The following ABCC6 variants were observed in gnomAD, a reference collection of about 807,000 sequenced individuals.
ABCC6 encodes the protein ATP binding cassette subfamily C member 6, also known as ATP-binding cassette sub-family C member 6.
Under a neutral mutation model 169.5 loss-of-function variants are expected in ABCC6, and 126 were observed. The observed-to-expected ratio is 0.74, with a 90% CI of 0.64 to 0.86. The LOEUF (loss-of-function observed/expected upper bound fraction) is 0.86. Among genes scored for constraint, ABCC6 ranks in the 40% least tolerant of loss-of-function variants. The pLI is 0.00. For synonymous variants in ABCC6, 752 were observed against 814.7 expected (o/e 0.92, Z 1.31); for missense variants, 1,733 against 1,927.2 (o/e 0.90, Z 1.89).
intron 6 of ABCC6, among the ~76,000 whole-genome samples, chr16:16,210,172 T>C (rs1318766821): frequency 6.6e-6 from 1 of 152,194 alleles, no homozygotes; most frequent in Non-Finnish European, 1.5e-5. Flanking sequence ...AATCTCACTC[T>C]GTTGCTCAGG....
Position 16,192,893 on chromosome 16 carries a change from GATGGCAGT to G in ABCC6, c.1360_1367del (p.Thr454ArgfsTer143). ...GAGGGAGGAGGCTCAGGAAGACAGC[GATGGCAGT>G]GAGGGCGGAGGGCCCCAGGAGCTGG... On this transcript the variant is annotated frameshift_variant, in exon 11 of 31. Transcript: ENST00000205557. LOFTEE classifies it high-confidence loss of function. 6.2e-7 allele frequency: 1 copy of G among 1,614,156 alleles called. No homozygotes were observed. Among genetic ancestry groups the G allele is most frequent in the Non-Finnish European group, 8.5e-7 (1 of 1,180,020 alleles).
chr16:16,151,611 G>A (rs756808813), intron 29 of ABCC6, among the ~76,000 whole-genome samples: 1 of 152,196 alleles, frequency 6.6e-6, no homozygotes, highest in Admixed American at 6.5e-5. Context: ...GATCCACCGT[G>A]CCTGGCCTGT....
intron 23 of ABCC6, among the ~76,000 whole-genome samples, chr16:16,164,856 A>G (rs553116724): frequency 6.6e-6 from 1 of 152,342 alleles, no homozygotes; most frequent in African/African-American, 2.4e-5. Flanking sequence ...CACTTTGAGA[A>G]GCACTGAGTG....
intron 6 of ABCC6, among the ~76,000 whole-genome samples, chr16:16,211,476 C>T (rs1223118115): frequency 1.3e-5 from 2 of 152,190 alleles, no homozygotes; most frequent in Non-Finnish European, 2.9e-5. Flanking sequence ...CAGATCTCAT[C>T]TTATTTAAGC....
Position 16,216,006 on chromosome 16 carries a change from G to A in ABCC6, c.475-1557C>T, listed in dbSNP as rs182365605. Among the ~76,000 whole-genome samples the A allele has an allele frequency of 6.6e-5, 10 of 152,170 alleles. No homozygotes were observed. The South Asian group carries it at 8.3e-4, about 13-fold the overall frequency. On this transcript the variant is annotated intron_variant, in intron 4 of 30. Transcript: ENST00000205557. ...TTGATTTTGGCTCACTGCAACCTCC[G>A]TCTCCTGGATTCAAGTGATTCTCCT... is the stretch of plus-strand genomic sequence containing the variant.
chr16:16,188,842 A>G lies in ABCC6; in HGVS notation c.1768T>C (p.Ser590Pro). The change falls in exon 13 of 31, where the codon TCC becomes CCC. Residue 590 changes from serine (S) to proline (P), a missense_variant. Around this residue, in one of 5 missense-constraint regions of ABCC6, gnomAD observed 1,601 missense variants for 1,635.5 expected, o/e 0.98. Coordinates refer to ENST00000205557, the MANE Select transcript of ABCC6 (RefSeq NM_001171.6). ...TGCACCCACCTCACCTGGACGAGGG[A>G]GTGGATGGAGAAGGGCAGGAAAGCC... ...AQAFLPFSIH[S>P]LVQARVSFDR... is the part of the protein sequence containing the mutation. The G allele has an allele frequency of 1.2e-6, 2 of 1,613,822 alleles. No homozygotes were observed. Among genetic ancestry groups the G allele is most frequent in the Non-Finnish European group, 1.7e-6 (2 of 1,179,936 alleles).
Position 16,177,555 on chromosome 16 carries a change from C to T in ABCC6, c.2487G>A (p.Gly829=). ...QADWIIVLAN[G]AIAEMGSYQE... Reference sequence around the variant, plus strand: ...GGTAGGAACCCATCTCTGCGATGGCCCCATTTGCCAGCACTATGATCCAAT... The same window carrying T: ...GGTAGGAACCCATCTCTGCGATGGCTCCATTTGCCAGCACTATGATCCAAT... Residue 829 remains glycine (G), a synonymous_variant, in exon 19 of 31, where the codon GGG becomes GGA. Coordinates refer to ENST00000205557, the MANE Select transcript of ABCC6 (RefSeq NM_001171.6). 6.2e-7 allele frequency: 1 copy of T among 1,614,210 alleles called. No homozygotes were observed. Among genetic ancestry groups the T allele is most frequent in the South Asian group, 1.1e-5 (1 of 91,080 alleles).
At chr16:16,208,614 C>T (rs1450924070) in intron 7 of ABCC6, 114 bp downstream of exon 7, 21 of 1,551,816 alleles carry the variant, frequency 1.4e-5, no homozygotes, top group South Asian at 2.2e-5. Context: ...CCTTGTGATC[C>T]GCCTGCCTCG....
intron 12 of ABCC6, among the ~76,000 whole-genome samples, chr16:16,189,690 C>T (rs1449305319): frequency 3.3e-5 from 5 of 152,150 alleles, no homozygotes; most frequent in South Asian, 2.1e-4. Flanking sequence ...AGTATTGGGA[C>T]GACAGGCATG....
intron 4 of ABCC6, among the ~76,000 whole-genome samples, chr16:16,218,018 G>A (rs2048944285): frequency 6.6e-6 from 1 of 152,188 alleles, no homozygotes. Context: ...TGAACCCGGA[G>A]GTGGAGGTTG....
chr16:16,150,923 G>C (rs2046369780), intron 29 of ABCC6, 151 bp from the exon 30 acceptor site: 1 of 1,475,668 alleles, frequency 6.8e-7, no homozygotes, highest in Non-Finnish European at 9.1e-7. Context: ...TCTGTGGTCT[G>C]CAGAACTGAT....
At position 16,208,379 on chromosome 16, in the gene ABCC6, G is replaced by GT. The variant is rs560818390; in HGVS notation, c.794+348dup. Among the ~76,000 whole-genome samples, 548 of 145,760 alleles carry GT rather than the reference G, an allele frequency of 3.8e-3. 3 individuals are homozygous for GT. The highest frequency in any genetic ancestry group is 5.0e-3 in the Non-Finnish European group (327 of 65,932). On this transcript the variant is annotated intron_variant, in intron 7 of 30. Coordinates refer to ENST00000205557, the MANE Select transcript of ABCC6 (RefSeq NM_001171.6). The stretch of plus-strand genomic sequence containing the variant: ...GTTTTTGTTTTTGTCTTGTTTGTTT[G>GT]TTTTTTTTTTTGATACGGAGTCTGG...
At chr16:16,194,107 G>A (rs1443852135) in intron 10 of ABCC6, among the ~76,000 whole-genome samples, 5 of 152,230 alleles carry the variant, frequency 3.3e-5, no homozygotes, top group African/African-American at 1.2e-4. Flanking sequence ...TGGAATCAGG[G>A]GACCTGGTTC....
chr16:16,217,281 T>C (rs933902109), intron 4 of ABCC6, among the ~76,000 whole-genome samples: 4 of 152,144 alleles, frequency 2.6e-5, no homozygotes, highest in African/African-American at 4.8e-5. Flanking sequence ...TTTTCCCCAC[T>C]GTTTCTCTCA....
At chr16:16,207,461 T>C (rs577752801) in intron 7 of ABCC6, among the ~76,000 whole-genome samples, 1 of 152,250 alleles carries the variant, frequency 6.6e-6, no homozygotes, top group Admixed American at 6.5e-5. Flanking sequence ...GGATGGGAGA[T>C]GAAAGGAGAG....
At chr16:16,188,485 A>C (rs367769876) in intron 13 of ABCC6, among the ~76,000 whole-genome samples, 5 of 152,216 alleles carry the variant, frequency 3.3e-5, no homozygotes, top group South Asian at 4.1e-4. Flanking sequence ...AAAGGACTAG[A>C]GATAGCAAAG....
rs1212865583 is a variant in ABCC6, at chr16:16,188,822, C to A, written c.1779+9G>T. On this transcript the variant is annotated intron_variant, in intron 13 of 30. Transcript: ENST00000205557. ...CCCAGGATGGCTCCAGCCCTTGCAC[C>A]CACCTCACCTGGACGAGGGAGTGGA... 4 of 1,612,420 alleles carry A rather than the reference C, an allele frequency of 2.5e-6. No individual in the cohort carries two copies. In the African/African-American group the frequency reaches 5.3e-5, roughly 22 times the overall value.
chr16:16,198,240 C>T lies in ABCC6; in HGVS notation c.1177-58G>A, dbSNP rs1466786451. ...GGGGAGGCCGGGGCAGAGGGATGCCCCAGGTGGCTTCTCCACCCACTGAGC... is the reference window on the plus strand; with the variant it reads ...GGGGAGGCCGGGGCAGAGGGATGCCTCAGGTGGCTTCTCCACCCACTGAGC... On this transcript the variant is annotated intron_variant, in intron 9 of 30. Coordinates refer to ENST00000205557, the MANE Select transcript of ABCC6 (RefSeq NM_001171.6). 7 of 1,539,930 alleles carry T rather than the reference C, an allele frequency of 4.5e-6. No individual in the cohort carries two copies. The African/African-American group carries it at 9.6e-5, about 21-fold the overall frequency.
chr16:16,169,538 A>C, intron 22 of ABCC6, 108 bp downstream of exon 22: 1 of 1,331,812 alleles, frequency 7.5e-7, no homozygotes, highest in Non-Finnish European at 1.1e-6. Context: ...CGTTTTGCAC[A>C]CTGTTCCAGG....
Sources: allele counts gnomAD v4.1 joint callset (sites outside exome capture counted in the v4.1 genomes callset), GRCh38; gene constraint gnomAD v4.1.1; regional missense constraint gnomAD v4.1.1; transcripts MANE v1.5; gene names NCBI Gene and HGNC (gene_info 2026-07-23, HGNC 2026-07-21).